The following NFKB1 variants were observed in gnomAD, a reference collection of about 807,000 sequenced individuals.
NFKB1 encodes the protein nuclear factor kappa B subunit 1.
In NFKB1, 9 loss-of-function variants were observed where a neutral mutation model predicts 105.1. The observed-to-expected ratio is 0.09, with a 90% CI of 0.05 to 0.15. NFKB1 has a LOEUF of 0.15. Among genes scored for constraint, NFKB1 ranks in the 10% least tolerant of loss-of-function variants. The pLI is 1.00. For missense variants in NFKB1, 830 were observed against 1,203.7 expected, an observed-to-expected ratio of 0.69 and a Z score of 4.59; for synonymous variants, 440 against 442.2, an observed-to-expected ratio of 1.00 and a Z score of 0.06.
chr4:102,534,049 C>G (rs1287848708), intron 4 of NFKB1, among the ~76,000 whole-genome samples, 164 bp downstream of exon 4: 1 of 152,296 alleles, frequency 6.6e-6, no homozygotes, highest in South Asian at 2.1e-4. Flanking sequence ...CTTTACATTT[C>G]TCTTACTCAT....
In NFKB1 at chr4:102,617,092, G is replaced by C. The variant is rs1729006605; in HGVS notation, c.*498G>C. The C allele has an allele frequency of 1.7e-5, 1 of 57,400 alleles. No individual in the cohort carries two copies. The highest frequency in any genetic ancestry group is 6.8e-4 in the South Asian group (1 of 1,460). 3.6% of individuals were successfully genotyped at this position (57,400 alleles called of 1,614,324 possible). ...CTTTTTCTAATGTGGTTATTTCTCT[G>C]ATTTGCAAAAAAAAAAAAAAAAAAA... is the stretch of plus-strand genomic sequence containing the variant. On this transcript the variant is annotated 3_prime_UTR_variant, in exon 24 of 24. Transcript: ENST00000226574.
intron 5 of NFKB1, among the ~76,000 whole-genome samples, chr4:102,549,430 G>A (rs1489774983): frequency 6.8e-6 from 1 of 147,742 alleles, no homozygotes; most frequent in Non-Finnish European, 1.5e-5. Context: ...AACTTATGTT[G>A]TAAGTTTTAT....
chr4:102,583,224 G>T (rs4648036), intron 10 of NFKB1, among the ~76,000 whole-genome samples: 3,188 of 152,100 alleles, frequency 0.021, 120 homozygotes, highest in African/African-American at 0.069. Flanking sequence ...GGACTTAAGC[G>T]ATTATCCCAC....
intron 5 of NFKB1, among the ~76,000 whole-genome samples, chr4:102,551,072 G>A (rs939675774): frequency 1.3e-5 from 2 of 152,132 alleles, no homozygotes; most frequent in African/African-American, 4.8e-5. Context: ...TCAGACACCC[G>A]AATCCATCTA....
At chr4:102,514,186 GAAAAT>G (rs1739973627) in intron 1 of NFKB1, among the ~76,000 whole-genome samples, 2 of 151,058 alleles carry the variant, frequency 1.3e-5, no homozygotes, top group East Asian at 1.9e-4. Flanking sequence ...AAAAAAAAAA[GAAAAT>G]AATAATAATA....
chr4:102,505,017 G>C (rs1424286730), intron 1 of NFKB1, among the ~76,000 whole-genome samples: 1 of 152,142 alleles, frequency 6.6e-6, no homozygotes, highest in Non-Finnish European at 1.5e-5. Flanking sequence ...AAGAAAAAAA[G>C]AGAAAAAAGT....
chr4:102,558,031 CTTT>C (rs575415233), intron 5 of NFKB1, among the ~76,000 whole-genome samples: 4 of 130,852 alleles, frequency 3.1e-5, no homozygotes, highest in Admixed American at 7.6e-5. Flanking sequence ...GATATCTAGC[CTTT>C]TTTTTTTTTT....
chr4:102,609,150 C>T (rs1478376561), intron 19 of NFKB1, among the ~76,000 whole-genome samples: 5 of 73,988 alleles, frequency 6.8e-5, no homozygotes, highest in Admixed American at 1.8e-4. Flanking sequence ...AAGAATAAGA[C>T]CCTGTCTCAA....
At chr4:102,601,072 T>C in intron 16 of NFKB1, 63 bp downstream of exon 16, 1 of 1,015,338 alleles carries the variant, frequency 9.8e-7, no homozygotes, top group South Asian at 1.4e-5. Context: ...TCTTCTGTTA[T>C]GTTTGGGTGC....
chr4:102,578,729 G>C, intron 7 of NFKB1, 152 bp from the exon 8 acceptor site: 1 of 728,702 alleles, frequency 1.4e-6, no homozygotes, highest in South Asian at 2.3e-5. Flanking sequence ...AAATGAGACT[G>C]TTTTTAACAC....
chr4:102,545,145 A>G (rs1205571183), intron 5 of NFKB1, among the ~76,000 whole-genome samples: 1 of 152,130 alleles, frequency 6.6e-6, no homozygotes, highest in African/African-American at 2.4e-5. Context: ...CATGTGTTCC[A>G]CTGCCTCCTC....
At chr4:102,560,709 A>T (rs1723353088) in intron 5 of NFKB1, among the ~76,000 whole-genome samples, 1 of 152,170 alleles carries the variant, frequency 6.6e-6, no homozygotes, top group Non-Finnish European at 1.5e-5. Flanking sequence ...TGGCTGTATG[A>T]CTTTGGGTTA....
At chr4:102,540,690 G>C (rs1445989441) in intron 5 of NFKB1, among the ~76,000 whole-genome samples, 2 of 152,188 alleles carry the variant, frequency 1.3e-5, no homozygotes, top group Non-Finnish European at 1.5e-5. Flanking sequence ...TGGTTCTGCT[G>C]TTCCTAACAG....
chr4:102,557,779 G>A (rs1723098989), intron 5 of NFKB1, among the ~76,000 whole-genome samples: 1 of 152,172 alleles, frequency 6.6e-6, no homozygotes, highest in Non-Finnish European at 1.5e-5. Flanking sequence ...TGGAATTTGA[G>A]GGAAGAACTG....
rs1468032850 is a variant in NFKB1, at chr4:102,607,180, G to A, written c.1985G>A (p.Ser662Asn). Residue 662 changes from serine (S) to asparagine (N), a missense_variant, in exon 18 of 24, where the codon AGC (serine) becomes AAC (asparagine). Ser to Asn is a conservative substitution (Grantham distance 46). Coordinates refer to ENST00000226574, the MANE Select transcript of NFKB1 (RefSeq NM_003998.4). ...GLNAIHLAMM[S>N]NSLPCLLLLV... ...AATGCCATTCATCTAGCCATGATGA[G>A]CAATAGCCTGCCATGTTTGCTGCTG... 18 of 1,614,132 alleles carry A rather than the reference G, an allele frequency of 1.1e-5. No individual in the cohort carries two copies. The highest frequency in any genetic ancestry group is 1.4e-5 in the Non-Finnish European group (16 of 1,180,038).
intron 6 of NFKB1, among the ~76,000 whole-genome samples, chr4:102,572,333 G>A: frequency 8.0e-6 from 1 of 125,068 alleles, no homozygotes; most frequent in African/African-American, 3.0e-5. Context: ...TGGGCCTGTG[G>A]TGGGGTGGGG....
Position 102,610,669 on chromosome 4 carries a change from C to T in NFKB1, c.2322C>T (p.Thr774=). The change falls in exon 20 of 24, where the codon ACC becomes ACT. Residue 774 remains threonine, a synonymous_variant. Transcript: ENST00000226574. ...AGEDEGVVPG[T]TPLDMATSWQ... The stretch of plus-strand genomic sequence containing the variant: ...AGGATGAAGGAGTTGTGCCTGGAAC[C>T]ACGCCTCTAGATATGGCCACCAGCT... 1.2e-6 allele frequency: 2 copies of T among 1,614,032 alleles called. No homozygotes were observed. Among genetic ancestry groups the T allele is most frequent in the Non-Finnish European group, 1.7e-6 (2 of 1,179,950 alleles).
intron 11 of NFKB1, 149 bp downstream of exon 11, chr4:102,584,969 A>G: frequency 1.6e-6 from 1 of 643,576 alleles, no homozygotes; most frequent in Non-Finnish European, 2.5e-6. Flanking sequence ...GCAACTTCGA[A>G]CTCCTGGCCT....
At chr4:102,545,164 A>G (rs2149136040) in intron 5 of NFKB1, among the ~76,000 whole-genome samples, 1 of 152,208 alleles carries the variant, frequency 6.6e-6, no homozygotes, top group South Asian at 2.1e-4. Flanking sequence ...TCCACAGACA[A>G]GTTGTTTTTC....
Sources: allele counts gnomAD v4.1 joint callset (sites outside exome capture counted in the v4.1 genomes callset), GRCh38; gene constraint gnomAD v4.1.1; transcripts MANE v1.5; gene names NCBI Gene and HGNC (gene_info 2026-07-23, HGNC 2026-07-21).